The following KLHL4 variants were observed in gnomAD, a reference collection of about 807,000 sequenced individuals.
KLHL4 encodes the protein kelch like family member 4.
In KLHL4, 17 loss-of-function variants were observed where a neutral mutation model predicts 45.8. The ratio of observed to expected loss-of-function variants is 0.37; its 90% CI spans 0.25 to 0.56. The LOEUF is 0.56. Among genes scored for constraint, KLHL4 ranks in the 20% least tolerant of loss-of-function variants. The pLI is 0.79. For synonymous variants in KLHL4, 224 were observed against 189.9 expected, an observed-to-expected ratio of 1.18 and a Z score of -1.47; for missense variants, 544 against 544.9, an observed-to-expected ratio of 1.00 and a Z score of 0.02.
At chrX:87,518,827 G>A (rs768925428) in intron 1 of KLHL4, among the ~76,000 whole-genome samples, 3 of 111,824 alleles carry the variant, frequency 2.7e-5, no homozygotes, top group South Asian at 3.7e-4. Flanking sequence ...TTTGGCGTTC[G>A]GAGACTCATT....
intron 1 of KLHL4, among the ~76,000 whole-genome samples, chrX:87,547,403 C>T (rs1302642467): frequency 9.0e-6 from 1 of 111,481 alleles, no homozygotes; most frequent in African/African-American, 3.3e-5. Flanking sequence ...TCTGAGGCCT[C>T]CTCAGCCATA....
chrX:87,632,390 T>C lies in KLHL4; in HGVS notation c.1505T>C (p.Ile502Thr). Residue 502 changes from isoleucine to threonine, a missense_variant, in exon 7 of 11, where the codon ATC becomes ACC. Coordinates refer to ENST00000373119, the MANE Select transcript of KLHL4 (RefSeq NM_019117.5). ...GAATGTTTTAATCCAGTTGGCAAAA[T>C]CTGGACTGTGATGCCTCCCATGTCA... ...TVECFNPVGK[I>T]WTVMPPMSTH... The C allele has an allele frequency of 8.3e-7, 1 of 1,210,009 alleles. No individual in the cohort carries two copies. Among genetic ancestry groups the C allele is most frequent in the South Asian group, 1.8e-5 (1 of 56,892 alleles).
intron 7 of KLHL4, among the ~76,000 whole-genome samples, chrX:87,632,730 C>T (rs913153264): frequency 1.8e-5 from 2 of 111,110 alleles, no homozygotes; most frequent in African/African-American, 6.6e-5. Flanking sequence ...TTCTTCTAAG[C>T]TCAATTTAGA....
chrX:87,590,670 T>C (rs1921633226), intron 1 of KLHL4, among the ~76,000 whole-genome samples: 1 of 111,651 alleles, frequency 9.0e-6, no homozygotes, highest in Non-Finnish European at 1.9e-5. Context: ...GAATAGAATG[T>C]TCAAAAATAA....
intron 7 of KLHL4, among the ~76,000 whole-genome samples, chrX:87,633,015 A>G (rs1014320589): frequency 9.0e-6 from 1 of 111,480 alleles, no homozygotes; most frequent in African/African-American, 3.3e-5. Flanking sequence ...ATAATACACG[A>G]TATAATTATT....
chrX:87,560,554 G>A (rs1024660355), intron 1 of KLHL4, among the ~76,000 whole-genome samples: 4 of 111,111 alleles, frequency 3.6e-5, no homozygotes, highest in African/African-American at 6.5e-5. Context: ...GCAGATCTCC[G>A]TAACTTATTA....
intron 1 of KLHL4, among the ~76,000 whole-genome samples, chrX:87,571,461 A>G (rs968207715): frequency 1.8e-5 from 2 of 110,965 alleles, no homozygotes; most frequent in African/African-American, 6.5e-5. Flanking sequence ...AACCAAAGCT[A>G]TTTCATGGTT....
rs1325299750 is a variant in KLHL4, at chrX:87,666,575, T to C, written c.*41T>C. 8.7e-7 allele frequency: 1 copy of C among 1,144,410 alleles called. No homozygotes were observed. Among genetic ancestry groups the C allele is most frequent in the Non-Finnish European group, 1.2e-6 (1 of 860,323 alleles). The allele number at this position is 1,144,410 out of a possible 1,213,427, so 94.3% of individuals were successfully genotyped here. ...TCAAATGGAATGAAACTAGATAATTTCAAGAAACTGAGTAGGACAAAGGGA... is the reference window on the plus strand; with the variant it reads ...TCAAATGGAATGAAACTAGATAATTCCAAGAAACTGAGTAGGACAAAGGGA... On this transcript the variant is annotated 3_prime_UTR_variant, in exon 11 of 11. Transcript: ENST00000373119.
chrX:87,657,322 G>GT (rs1235910381), intron 9 of KLHL4, among the ~76,000 whole-genome samples: 1 of 112,434 alleles, frequency 8.9e-6, no homozygotes, highest in Non-Finnish European at 1.9e-5. Flanking sequence ...AGAGGGTGAA[G>GT]TTGGGCAGAG....
intron 1 of KLHL4, among the ~76,000 whole-genome samples, chrX:87,592,368 T>C (rs1921698650): frequency 9.0e-6 from 1 of 111,589 alleles, no homozygotes; most frequent in Admixed American, 9.6e-5. Context: ...GTCTTTTGAG[T>C]GTATACCTAG....
intron 1 of KLHL4, among the ~76,000 whole-genome samples, chrX:87,571,941 AT>A (rs1185110068): frequency 1.3e-4 from 14 of 110,843 alleles, no homozygotes; most frequent in Non-Finnish European, 5.7e-5. Context: ...ATAACCCCCA[AT>A]AACATCCTGC....
chrX:87,647,770 G>C (rs1347047693), intron 9 of KLHL4, among the ~76,000 whole-genome samples: 1 of 111,284 alleles, frequency 9.0e-6, no homozygotes, highest in Non-Finnish European at 1.9e-5. Flanking sequence ...TACACATTTG[G>C]TGATGGGTGC....
chrX:87,581,174 G>C (rs1921265210), intron 1 of KLHL4, among the ~76,000 whole-genome samples: 1 of 111,980 alleles, frequency 8.9e-6, no homozygotes, highest in South Asian at 3.7e-4. Flanking sequence ...AGGGCTTCTG[G>C]CCACCCCTGC....
rs946954010 is a variant in KLHL4, at chrX:87,664,878, A to T, written c.2040A>T (p.Gly680=). 1 of 1,200,356 alleles carries T rather than the reference A, an allele frequency of 8.3e-7. No homozygotes were observed. ...DKLYVVGGYD[G]HTYLNTVESY... ...TCTACGTGGTTGGAGGATATGACGGACATACTTATTTGAACACAGTTGAGT... is the reference window on the plus strand; with the variant it reads ...TCTACGTGGTTGGAGGATATGACGGTCATACTTATTTGAACACAGTTGAGT... Residue 680 remains glycine, a synonymous_variant, in exon 10 of 11, where the codon GGA becomes GGT. Transcript: ENST00000373119.
chrX:87,631,702 A>G (rs1193852623), intron 6 of KLHL4, among the ~76,000 whole-genome samples: 1 of 111,434 alleles, frequency 9.0e-6, no homozygotes, highest in Non-Finnish European at 1.9e-5. Context: ...AATAATTTTC[A>G]TTCCTGGTCC....
chrX:87,652,171 C>G (rs1394858999), intron 9 of KLHL4, among the ~76,000 whole-genome samples: 1 of 112,228 alleles, frequency 8.9e-6, no homozygotes, highest in African/African-American at 3.2e-5. Context: ...GCACCAAGTC[C>G]CTAGGCTGCA....
At chrX:87,579,042 G>GAAATAAGGAAA (rs1411173501) in intron 1 of KLHL4, among the ~76,000 whole-genome samples, 1 of 111,353 alleles carries the variant, frequency 9.0e-6, no homozygotes, top group African/African-American at 3.3e-5. Context: ...GGGCAGCTAA[G>GAAATAAGGAAA]AAATAAGGAA....
intron 1 of KLHL4, among the ~76,000 whole-genome samples, chrX:87,531,167 C>A (rs1446967863): frequency 9.3e-6 from 1 of 107,676 alleles, no homozygotes; most frequent in African/African-American, 3.4e-5. Flanking sequence ...TGGATATTAG[C>A]CCTTTGTCAG....
chrX:87,539,330 A>T (rs1931502685), intron 1 of KLHL4, among the ~76,000 whole-genome samples: 1 of 110,586 alleles, frequency 9.0e-6, no homozygotes, highest in Non-Finnish European at 1.9e-5. Context: ...TGTAATCACT[A>T]TTTTAAAATA....
Sources: allele counts gnomAD v4.1 joint callset (sites outside exome capture counted in the v4.1 genomes callset), GRCh38; gene constraint gnomAD v4.1.1; transcripts MANE v1.5; gene names NCBI Gene and HGNC (gene_info 2026-07-23, HGNC 2026-07-21).